Variants in ILDR1 observed in about 807,000 individuals in gnomAD.
The protein encoded by ILDR1 is immunoglobulin-like domain-containing receptor 1.
In ILDR1, 56 loss-of-function variants were observed where a neutral mutation model predicts 62.4. The observed-to-expected ratio is 0.90, with a 90% confidence interval of 0.72 to 1.12. The LOEUF is 1.12. Among genes scored for constraint, ILDR1 ranks in the 50% most tolerant of loss-of-function variants. ILDR1 has a pLI of 0.00. For missense variants in ILDR1, 736 were observed against 710.6 expected, an observed-to-expected ratio of 1.04 and a Z score of -0.41; for synonymous variants, 284 against 277.8, an observed-to-expected ratio of 1.02 and a Z score of -0.22.
At position 122,001,751 on chromosome 3, in the gene ILDR1, C is replaced by T. The variant is rs753781368; in HGVS notation, c.493G>A (p.Val165Ile). ...GDPDKEVKLI[V>I]LHWLTVIFII... is the part of the protein sequence containing the mutation. ...AAGCTCCAGTAGCACTTACGTAGGA[C>T]GATGAGCTTTACTTCCTTATCGGGG... The change falls in exon 4 of 8, where the codon GTC (valine) becomes ATC (isoleucine). Residue 165 changes from valine to isoleucine, a missense_variant. Val to Ile is a conservative substitution (Grantham distance 29). Coordinates refer to ENST00000344209, the MANE Select transcript of ILDR1 (RefSeq NM_001199799.2). 2.7e-5 allele frequency: 43 copies of T among 1,612,442 alleles called. No homozygotes were observed. The highest frequency in any genetic ancestry group is 4.5e-5 in the East Asian group (2 of 44,862).
At chr3:122,041,686 T>C in the ILDR1 span, among the ~76,000 whole-genome samples, 2 of 152,160 alleles carry the variant, frequency 1.3e-5, no homozygotes, top group Non-Finnish European at 2.9e-5. Flanking sequence ...TTGAATTGTT[T>C]TCTTAATTTC....
rs896807281 is a variant in ILDR1 at position 122,012,130 on chromosome 3, T to C, written c.59-4969A>G. On this transcript the variant is annotated intron_variant, in intron 1 of 7. Transcript: ENST00000344209. Reference sequence around the variant, plus strand: ...TCACCCACTTTCTTTTCCTATATCCTCTAACTTCTCTGTAAACCTAACCAC... The same window carrying C: ...TCACCCACTTTCTTTTCCTATATCCCCTAACTTCTCTGTAAACCTAACCAC... Among the ~76,000 whole-genome samples, 3 of 152,144 alleles carry C rather than the reference T, an allele frequency of 2.0e-5. No homozygotes were observed. The South Asian group carries it at 6.2e-4, about 32-fold the overall frequency.
At chr3:122,055,540 G>C in the ILDR1 span, 3 of 1,604,634 alleles carry the variant, frequency 1.9e-6, no homozygotes, top group Non-Finnish European at 2.6e-6. Context: ...GAGAAGTTAT[G>C]AGTTGTGACT....
At chr3:121,999,259 A>G (rs749301704) in intron 5 of ILDR1, among the ~76,000 whole-genome samples, 3 of 152,242 alleles carry the variant, frequency 2.0e-5, no homozygotes, top group Non-Finnish European at 4.4e-5. Context: ...CTGGGTACTC[A>G]GATGAGTCAT....
chr3:122,018,297 A>C (rs1235497104), intron 1 of ILDR1, among the ~76,000 whole-genome samples: 1 of 151,606 alleles, frequency 6.6e-6, no homozygotes, highest in African/African-American at 2.4e-5. Flanking sequence ...AAGGACAAAA[A>C]ACCAAATACC....
intron 1 of ILDR1, among the ~76,000 whole-genome samples, chr3:122,009,731 G>A (rs1056050642): frequency 6.6e-6 from 1 of 152,224 alleles, no homozygotes; most frequent in African/African-American, 2.4e-5. Context: ...ATTATCCTAC[G>A]GAGCAGCTAG....
intron 1 of ILDR1, among the ~76,000 whole-genome samples, chr3:122,007,818 C>A (rs2071638510): frequency 6.6e-6 from 1 of 152,210 alleles, no homozygotes; most frequent in South Asian, 2.1e-4. Context: ...CTACTTCTGT[C>A]TACCCCATAG....
chr3:122,047,379 C>A, the ILDR1 span, among the ~76,000 whole-genome samples: 1 of 152,324 alleles, frequency 6.6e-6, no homozygotes, highest in East Asian at 1.9e-4. Flanking sequence ...TTTGTCTGTG[C>A]CCTGCCCCCA....
intron 6 of ILDR1, 97 bp from the exon 7 acceptor site, chr3:121,994,067 C>T (rs2107645321): frequency 6.7e-7 from 1 of 1,494,184 alleles, no homozygotes; most frequent in East Asian, 2.4e-5. Context: ...GCATGAATCC[C>T]TCCCATCTCC....
At chr3:122,059,234 G>C in the ILDR1 span, among the ~76,000 whole-genome samples, 2 of 152,118 alleles carry the variant, frequency 1.3e-5, no homozygotes, top group African/African-American at 4.8e-5. Flanking sequence ...TTCTCATTGT[G>C]GGTCAATTCA....
chr3:122,002,921 T>C (rs780278947), intron 3 of ILDR1, among the ~76,000 whole-genome samples: 1 of 152,190 alleles, frequency 6.6e-6, no homozygotes, highest in African/African-American at 2.4e-5. Flanking sequence ...ATCTGACAAA[T>C]GTCTAATATC....
chr3:122,016,925 G>A (rs932785748), intron 1 of ILDR1, among the ~76,000 whole-genome samples: 2 of 152,156 alleles, frequency 1.3e-5, no homozygotes, highest in East Asian at 3.8e-4. Flanking sequence ...GTGATTACCT[G>A]GTTATGAGAA....
At chr3:122,045,516 G>A in the ILDR1 span, among the ~76,000 whole-genome samples, 4 of 151,514 alleles carry the variant, frequency 2.6e-5, no homozygotes, top group Non-Finnish European at 5.9e-5. Flanking sequence ...TTGACAGTGG[G>A]GTGTTAAAGT....
chr3:122,040,959 A>C, the ILDR1 span, among the ~76,000 whole-genome samples: 1 of 152,234 alleles, frequency 6.6e-6, no homozygotes, highest in South Asian at 2.1e-4. Flanking sequence ...CACCATCAAG[A>C]GTGTGAAAAG....
chr3:122,019,693 T>C (rs2071829870), intron 1 of ILDR1, among the ~76,000 whole-genome samples: 1 of 152,154 alleles, frequency 6.6e-6, no homozygotes, highest in South Asian at 2.1e-4. Flanking sequence ...AGAAGCTTCA[T>C]TAGGGGCCCC....
At chr3:122,040,751 A>C in the ILDR1 span, among the ~76,000 whole-genome samples, 2 of 145,292 alleles carry the variant, frequency 1.4e-5, no homozygotes, top group South Asian at 2.2e-4. Context: ...AAAAAAAAAC[A>C]AGAATTAGCT....
chr3:121,992,132 A>G (rs1403613021), intron 7 of ILDR1, among the ~76,000 whole-genome samples: 1 of 152,150 alleles, frequency 6.6e-6, no homozygotes, highest in African/African-American at 2.4e-5. Context: ...ATTTGGATGT[A>G]TTAATTATAA....
At chr3:122,031,607 T>C in the ILDR1 span, among the ~76,000 whole-genome samples, 1 of 152,198 alleles carries the variant, frequency 6.6e-6, no homozygotes, top group Non-Finnish European at 1.5e-5. Flanking sequence ...CCCTCATGAA[T>C]GGGATTAGTG....
intron 4 of ILDR1, 53 bp downstream of exon 4, chr3:122,001,692 A>G (rs1191125094): frequency 1.2e-6 from 2 of 1,604,408 alleles, no homozygotes. Flanking sequence ...TCCTGTGAGT[A>G]AAAGTGTTAC....
Sources: allele counts gnomAD v4.1 joint callset (sites outside exome capture counted in the v4.1 genomes callset), GRCh38; gene constraint gnomAD v4.1.1; transcripts MANE v1.5; gene names NCBI Gene and HGNC (gene_info 2026-07-23, HGNC 2026-07-21).